Variants in CMTR1 observed in about 807,000 individuals in gnomAD.
CMTR1 encodes the protein cap-specific mRNA (nucleoside-2'-O-)-methyltransferase 1.
In CMTR1, 39 loss-of-function variants were observed where a neutral mutation model predicts 107.0. The ratio of observed to expected loss-of-function variants is 0.36; its 90% CI spans 0.28 to 0.48. The LOEUF (loss-of-function observed/expected upper bound fraction) is 0.48, where lower values mean the gene tolerates loss of function less well. Among genes scored for constraint, CMTR1 ranks in the 20% least tolerant of loss-of-function variants. The probability of loss-of-function intolerance (pLI) is 0.99; values close to 1 mark genes in which losing one functional copy is unlikely to be tolerated. For synonymous variants in CMTR1, 366 were observed against 379.5 expected (o/e 0.96, Z 0.41); for missense variants, 672 against 1,064.9 (o/e 0.63, Z 5.14).
upstream of CMTR1, among the ~76,000 whole-genome samples, chr6:37,429,503 C>G (rs190139873): frequency 1.1e-3 from 164 of 152,280 alleles, no homozygotes; most frequent in African/African-American, 3.8e-3. Flanking sequence ...TTTCAGAGAG[C>G]TTTACCTACC....
intron 13 of CMTR1, among the ~76,000 whole-genome samples, chr6:37,470,501 G>T (rs1219090682): frequency 1.3e-5 from 2 of 152,056 alleles, no homozygotes; most frequent in African/African-American, 4.8e-5. Context: ...TATCTTAAAG[G>T]CCCCATCTGA....
In CMTR1 at chr6:37,481,485, C is replaced by T; in HGVS notation, c.*1340C>T. Reference sequence around the variant, plus strand: ...CAGTGTGTCTTGCAGAATCTTGGATCATTAAAGATAAACATATTTTTAATG... The same window carrying T: ...CAGTGTGTCTTGCAGAATCTTGGATTATTAAAGATAAACATATTTTTAATG... On this transcript the variant is annotated 3_prime_UTR_variant, in exon 24 of 24. Coordinates refer to ENST00000373451, the MANE Select transcript of CMTR1 (RefSeq NM_015050.3). 1.8e-6 allele frequency: 2 copies of T among 1,112,732 alleles called. No individual in the cohort carries two copies. Among genetic ancestry groups the T allele is most frequent in the South Asian group, 2.2e-5 (1 of 44,614 alleles). 68.9% of individuals were successfully genotyped at this position (1,112,732 alleles called of 1,614,324 possible). A position where few individuals can be genotyped will look rare whatever the true frequency, so the allele number is the denominator to read the frequency against.
chr6:37,434,066 C>A (rs1771465119), intron 1 of CMTR1, among the ~76,000 whole-genome samples: 1 of 152,186 alleles, frequency 6.6e-6, no homozygotes, highest in South Asian at 2.1e-4. Flanking sequence ...GAAGCAAGCT[C>A]TGTGATGAGC....
intron 19 of CMTR1, chr6:37,475,853 G>A (rs983269203): frequency 9.7e-6 from 5 of 516,916 alleles, no homozygotes; most frequent in Admixed American, 9.6e-5. Flanking sequence ...AAGTTCTAGT[G>A]GAGGTGACTG....
chr6:37,464,928 G>A (rs200629949), intron 13 of CMTR1, among the ~76,000 whole-genome samples: 4 of 99,902 alleles, frequency 4.0e-5, no homozygotes, highest in South Asian at 3.2e-4. Context: ...GTGTGTGTGT[G>A]TACAGACAAA....
upstream of CMTR1, among the ~76,000 whole-genome samples, chr6:37,430,018 A>G (rs757814037): frequency 6.6e-6 from 1 of 152,208 alleles, no homozygotes; most frequent in Non-Finnish European, 1.5e-5. Flanking sequence ...TATGTTATGT[A>G]TGGAGGCAGA....
rs149409097 is a variant in CMTR1, at chr6:37,444,037, G to A, written c.172G>A (p.Glu58Lys). Residue 58 changes from glutamate to lysine, a missense_variant, in exon 3 of 24, where the codon GAG (glutamate) becomes AAG (lysine). Coordinates refer to ENST00000373451, the MANE Select transcript of CMTR1 (RefSeq NM_015050.3). Reference sequence around the variant, plus strand: ...CCTTAGTGGGTCTGATAGTGAGACCGAGGGGAAACAACACAGCTCTGACTC... The same window carrying A: ...CCTTAGTGGGTCTGATAGTGAGACCAAGGGGAAACAACACAGCTCTGACTC... ...TSLSGSDSETEGKQHSSDSFD... is the reference protein window; with the variant it reads ...TSLSGSDSETKGKQHSSDSFD... The A allele has an allele frequency of 1.1e-5, 17 of 1,614,066 alleles. No individual in the cohort carries two copies. In the East Asian group the frequency reaches 1.3e-4, roughly 13 times the overall value.
intron 2 of CMTR1, among the ~76,000 whole-genome samples, chr6:37,439,106 A>G (rs1195646792): frequency 6.6e-6 from 1 of 152,202 alleles, no homozygotes; most frequent in Non-Finnish European, 1.5e-5. Flanking sequence ...TGTTTATTTT[A>G]CATTATTCAC....
chr6:37,462,860 A>G lies in CMTR1; in HGVS notation c.1357A>G (p.Ile453Val), dbSNP rs1228878492. Reference sequence around the variant, plus strand: ...GGTGTGCAAGGGCCTGAAGGTGGGCATAGATGATGTTCGGGATTACCTCTT... The same window carrying G: ...GGTGTGCAAGGGCCTGAAGGTGGGCGTAGATGATGTTCGGGATTACCTCTT... ...YVVCKGLKVG[I>V]DDVRDYLFAV... The change falls in exon 13 of 24, where the codon ATA (isoleucine) becomes GTA (valine). Residue 453 changes from isoleucine (I) to valine (V), a missense_variant. By Grantham distance (29) the Ile-to-Val change is conservative (BLOSUM62 3). This residue lies in a region of CMTR1 where 583 missense variants were observed against 968.4 expected (regional missense o/e 0.60). Coordinates refer to ENST00000373451, the MANE Select transcript of CMTR1 (RefSeq NM_015050.3). 5 of 1,613,262 alleles carry G rather than the reference A, an allele frequency of 3.1e-6. No individual in the cohort carries two copies. In the East Asian group the frequency reaches 6.7e-5, roughly 22 times the overall value.
chr6:37,449,174 G>T (rs1771876528), intron 4 of CMTR1, among the ~76,000 whole-genome samples: 1 of 151,956 alleles, frequency 6.6e-6, no homozygotes, highest in Non-Finnish European at 1.5e-5. Flanking sequence ...TTAAACTCCT[G>T]GCCTCAAGCA....
Position 37,462,837 on chromosome 6 carries a change from T to G in CMTR1, c.1334T>G (p.Val445Gly). Residue 445 changes from valine (V) to glycine (G), a missense_variant, in exon 13 of 24, where the codon GTG becomes GGG. Transcript: ENST00000373451. ...AGAGTATCTTCTGCCAGGTATGTGG[T>G]GTGCAAGGGCCTGAAGGTGGGCATA... ...SRPANSERYV[V>G]CKGLKVGIDD... 6.2e-7 allele frequency: 1 copy of G among 1,612,490 alleles called. No homozygotes were observed. Among genetic ancestry groups the G allele is most frequent in the Non-Finnish European group, 8.5e-7 (1 of 1,179,942 alleles).
chr6:37,478,311 A>G, intron 21 of CMTR1, 98 bp from the exon 22 acceptor site: 1 of 940,274 alleles, frequency 1.1e-6, no homozygotes, highest in Non-Finnish European at 1.7e-6. Context: ...TCAAACCAGG[A>G]TCAGATACTG....
rs760546476 is a variant in CMTR1 at position 37,458,855 on chromosome 6, C to G, written c.976+45C>G. 10 of 1,569,340 alleles carry G rather than the reference C, an allele frequency of 6.4e-6. No homozygotes were observed. The highest frequency in any genetic ancestry group is 3.4e-5 in the Admixed American group (2 of 59,078). ...TACTAGGAGGTATGAGGGACAGCCC[C>G]TCTATGGGGACTTCAGGTCAGAAGC... On this transcript the variant is annotated intron_variant, in intron 9 of 23. Coordinates refer to ENST00000373451, the MANE Select transcript of CMTR1 (RefSeq NM_015050.3). The surrounding 1 kb of genome is among the most constrained non-coding windows in gnomAD (Gnocchi z 4.7).
At chr6:37,444,276 AT>A in intron 3 of CMTR1, 126 bp downstream of exon 3, 1 of 1,195,286 alleles carries the variant, frequency 8.4e-7, no homozygotes, top group Non-Finnish European at 1.2e-6. Flanking sequence ...AGCTACTGAA[AT>A]TTAGCAGAGT....
Position 37,472,530 on chromosome 6 carries a change from G to A in CMTR1, c.1689+43G>A, listed in dbSNP as rs749727369. 6.5e-7 allele frequency: 1 copy of A among 1,548,250 alleles called. No individual in the cohort carries two copies. The highest frequency in any genetic ancestry group is 8.9e-7 in the Non-Finnish European group (1 of 1,120,114). The stretch of plus-strand genomic sequence containing the variant: ...GGTGGACATAAAAAGTTAGAGATCT[G>A]TCTCTAGATGTGGATGGTATCACTG... On this transcript the variant is annotated intron_variant, in intron 16 of 23. Transcript: ENST00000373451. The surrounding 1 kb of genome is among the most constrained non-coding windows in gnomAD (Gnocchi z 4.1).
rs752274591 is a variant in CMTR1 at position 37,472,384 on chromosome 6, T to A, written c.1621-35T>A. ...ATACACGGTCTTGGTCAAAAGGGCA[T>A]TTGAAAGTCAAAGCTCTTTGCTGTC... is the stretch of plus-strand genomic sequence containing the variant. On this transcript the variant is annotated intron_variant, in intron 15 of 23. Transcript: ENST00000373451. The surrounding 1 kb of genome is among the most constrained non-coding windows in gnomAD (Gnocchi z 4.1). 1.9e-6 allele frequency: 3 copies of A among 1,609,946 alleles called. No homozygotes were observed.
chr6:37,457,414 C>G (rs565643595), intron 8 of CMTR1, among the ~76,000 whole-genome samples: 1 of 152,116 alleles, frequency 6.6e-6, no homozygotes, highest in Non-Finnish European at 1.5e-5. Context: ...CTGACTGTGC[C>G]CTGCCCCAAC....
intron 4 of CMTR1, among the ~76,000 whole-genome samples, chr6:37,448,079 C>T (rs575078200): frequency 2.3e-4 from 35 of 151,766 alleles, no homozygotes; most frequent in African/African-American, 7.0e-4. Flanking sequence ...GGCATGGTGG[C>T]GGGCACCTGT....
the CMTR1 span, among the ~76,000 whole-genome samples, chr6:37,427,094 T>C: frequency 1.3e-5 from 2 of 152,332 alleles, 1 homozygote; most frequent in South Asian, 4.1e-4. This position sits in a 1 kb window ranked among gnomAD's most constrained non-coding sequence, Gnocchi z 4.4. Context: ...CTGTCTGCCA[T>C]ATGGCTGAGT....
Sources: allele counts gnomAD v4.1 joint callset (sites outside exome capture counted in the v4.1 genomes callset), GRCh38; gene constraint gnomAD v4.1.1; regional missense constraint gnomAD v4.1.1; non-coding constraint Gnocchi (gnomAD v3.1); transcripts MANE v1.5; gene names NCBI Gene and HGNC (gene_info 2026-07-23, HGNC 2026-07-21).